SF3B6: variants seen among roughly 807,000 people sequenced by gnomAD.
SF3B6 encodes splicing factor 3b subunit 6.
Under a neutral mutation model 15.9 loss-of-function variants are expected in SF3B6, and 3 were observed. That is an observed-to-expected ratio of 0.19 (90% CI 0.09 to 0.49). The LOEUF (loss-of-function observed/expected upper bound fraction) is 0.49, where lower values mean the gene tolerates loss of function less well. Among genes scored for constraint, SF3B6 ranks in the 20% least tolerant of loss-of-function variants. SF3B6 has a pLI of 0.97. For synonymous variants in SF3B6, 49 were observed against 51.1 expected (o/e 0.96, Z 0.18); for missense variants, 71 against 154.3 (o/e 0.46, Z 2.86).
chr2:24,074,256 A>T, intron 1 of SF3B6, 62 bp from the exon 2 acceptor site: 1 of 821,056 alleles, frequency 1.2e-6, no homozygotes, highest in South Asian at 1.6e-5. Flanking sequence ...TATAATTTAA[A>T]TGCCCCTATA....
chr2:24,067,627 A>G lies in SF3B6; in HGVS notation c.*135T>C, dbSNP rs1288690084. On this transcript the variant is annotated 3_prime_UTR_variant, in exon 4 of 4. Coordinates refer to ENST00000233468, the MANE Select transcript of SF3B6 (RefSeq NM_016047.4). ...AAGTTTATTAACATAATGTATTCCA[A>G]TATGTATCAAAGTTTCAAGCAGGTC... is the stretch of plus-strand genomic sequence containing the variant. The G allele has an allele frequency of 3.0e-6, 2 of 671,344 alleles. No individual in the cohort carries two copies. The highest frequency in any genetic ancestry group is 2.7e-5 in the East Asian group (1 of 36,986). 41.6% of individuals were successfully genotyped at this position (671,344 alleles called of 1,614,324 possible). A position where few individuals can be genotyped will look rare whatever the true frequency, so the allele number is the denominator to read the frequency against.
At chr2:24,067,967 C>A in intron 3 of SF3B6, 116 bp from the exon 4 acceptor site, 1 of 846,122 alleles carries the variant, frequency 1.2e-6, no homozygotes, top group South Asian at 1.5e-5. Flanking sequence ...CAGTACAGTT[C>A]TACACTAATT....
chr2:24,070,976 T>C (rs1207188665), intron 2 of SF3B6, among the ~76,000 whole-genome samples: 1 of 152,142 alleles, frequency 6.6e-6, no homozygotes, highest in Non-Finnish European at 1.5e-5. Context: ...ATTAAATAAA[T>C]ATGAAATCAT....
intron 2 of SF3B6, among the ~76,000 whole-genome samples, chr2:24,070,116 T>C (rs1293673089): frequency 6.6e-6 from 1 of 152,206 alleles, no homozygotes; most frequent in Non-Finnish European, 1.5e-5. Context: ...AACCCCACTT[T>C]AAAGACTCTC....
chr2:24,068,575 C>T (rs72783611), intron 2 of SF3B6, 116 bp from the exon 3 acceptor site: 165,742 of 932,118 alleles, frequency 0.18, 16,151 homozygotes, highest in South Asian at 0.2. Context: ...AATTGAAATA[C>T]GTTTTTAGTT....
intron 2 of SF3B6, among the ~76,000 whole-genome samples, chr2:24,070,682 A>G (rs550618724): frequency 1.3e-5 from 2 of 152,348 alleles, no homozygotes; most frequent in Admixed American, 6.5e-5. Context: ...TTTAGCACTG[A>G]AAGTCCAGTG....
In SF3B6 at chr2:24,074,144, T is replaced by C. The variant is rs752184647; in HGVS notation, c.81A>G (p.Pro27=). Residue 27 remains proline, a synonymous_variant, in exon 2 of 4, where the codon CCA becomes CCG. Coordinates refer to ENST00000233468, the MANE Select transcript of SF3B6 (RefSeq NM_016047.4). ...ACATTTCTTCAGCTGTGATTTTGTA[T>C]GGCAAATTTCTTATATACAATATCC... ...VNRILYIRNL[P]YKITAEEMYD... 1 of 1,610,352 alleles carries C rather than the reference T, an allele frequency of 6.2e-7. No individual in the cohort carries two copies. The highest frequency in any genetic ancestry group is 1.7e-5 in the Admixed American group (1 of 59,750).
intron 2 of SF3B6, among the ~76,000 whole-genome samples, chr2:24,073,415 G>C (rs958755074): frequency 2.0e-5 from 3 of 152,036 alleles, no homozygotes; most frequent in Admixed American, 1.3e-4. Context: ...AAGATAGAAA[G>C]GTACTTTACT....
intron 1 of SF3B6, 142 bp downstream of exon 1, chr2:24,076,058 G>A (rs1291609952): frequency 3.1e-5 from 33 of 1,077,292 alleles, no homozygotes; most frequent in South Asian, 1.9e-4. Context: ...GGATGGGGCC[G>A]GATAGTGTCT....
intron 1 of SF3B6, among the ~76,000 whole-genome samples, chr2:24,075,287 G>A (rs1664716832): frequency 6.6e-6 from 1 of 151,158 alleles, no homozygotes; most frequent in Admixed American, 6.6e-5. Context: ...TATCATCAAG[G>A]TCACCAAAAG....
rs1348896730 is a variant in SF3B6 at position 24,076,189 on chromosome 2, C to A, written c.30+11G>T. 10 of 1,614,200 alleles carry A rather than the reference C, an allele frequency of 6.2e-6. No homozygotes were observed. Among genetic ancestry groups the A allele is most frequent in the Non-Finnish European group, 8.5e-6 (10 of 1,180,032 alleles). On this transcript the variant is annotated intron_variant, in intron 1 of 3. Transcript: ENST00000233468. ...AGTTCTCCCACCCTCCGCAGAACAC[C>A]CGATACTCACGTTCGCCCTCTTGGC...
At position 24,067,859 on chromosome 2, in the gene SF3B6, T is replaced by C. The variant is rs1414438326; in HGVS notation, c.289-8A>G. 6.2e-7 allele frequency: 1 copy of C among 1,612,288 alleles called. No homozygotes were observed. The highest frequency in any genetic ancestry group is 1.1e-5 in the South Asian group (1 of 90,682). ...GTCCATCTTCTGAAATGCCTGGAAA[T>C]GTGGTAAGCACCAAAATTAAATTAC... On this transcript the variant is annotated splice_region_variant and splice_polypyrimidine_tract_variant and intron_variant, in intron 3 of 3. Coordinates refer to ENST00000233468, the MANE Select transcript of SF3B6 (RefSeq NM_016047.4).
intron 1 of SF3B6, among the ~76,000 whole-genome samples, 164 bp downstream of exon 1, chr2:24,076,036 G>A (rs989158591): frequency 1.3e-5 from 2 of 152,326 alleles, no homozygotes; most frequent in Admixed American, 1.3e-4. Flanking sequence ...GGCTCAAGGA[G>A]CATATCTCTG....
intron 2 of SF3B6, among the ~76,000 whole-genome samples, chr2:24,071,071 C>T (rs1344912429): frequency 6.6e-6 from 1 of 152,102 alleles, no homozygotes; most frequent in Admixed American, 6.5e-5. Context: ...TGGCTCACTG[C>T]AACCTCCACC....
rs767687797 is a variant in SF3B6 at position 24,067,785 on chromosome 2, T to C, written c.355A>G (p.Ile119Val). The C allele has an allele frequency of 1.2e-6, 2 of 1,614,060 alleles. No homozygotes were observed. The highest frequency in any genetic ancestry group is 2.2e-5 in the South Asian group (2 of 91,074). The change falls in exon 4 of 4, where the codon ATC (isoleucine) becomes GTC (valine). Residue 119 changes from isoleucine to valine, a missense_variant. By Grantham distance (29) the Ile-to-Val change is conservative (BLOSUM62 3). This residue lies in a region of SF3B6 where 52 missense variants were observed against 113.2 expected (regional missense o/e 0.46). Coordinates refer to ENST00000233468, the MANE Select transcript of SF3B6 (RefSeq NM_016047.4). ...QLKLLKEKYG[I>V]NTDPPK ...ATTTATTTTGGTGGATCTGTGTTGA[T>C]GCCATATTTCTCCTTGAGAAGCTTC...
chr2:24,068,552 T>G, intron 2 of SF3B6, 93 bp from the exon 3 acceptor site: 1 of 1,148,290 alleles, frequency 8.7e-7, no homozygotes, highest in Non-Finnish European at 1.2e-6. Flanking sequence ...GTAACTGTCT[T>G]TTAAAAACAG....
At chr2:24,068,164 C>T (rs894686842) in intron 3 of SF3B6, among the ~76,000 whole-genome samples, 157 bp downstream of exon 3, 9 of 152,068 alleles carry the variant, frequency 5.9e-5, no homozygotes, top group Non-Finnish European at 1.3e-4. Flanking sequence ...GGGGTTTCAC[C>T]GTGTTAGCCA....
intron 2 of SF3B6, among the ~76,000 whole-genome samples, chr2:24,072,133 G>A (rs112023242): frequency 2.6e-5 from 4 of 151,750 alleles, no homozygotes; most frequent in African/African-American, 4.8e-5. Flanking sequence ...TTACAGGCGC[G>A]TGCCACCATG....
intron 3 of SF3B6, 36 bp downstream of exon 3, chr2:24,068,285 G>T (rs145359702): frequency 6.3e-7 from 1 of 1,584,806 alleles, no homozygotes; most frequent in African/African-American, 1.3e-5. Context: ...ATTCTCAAAT[G>T]AGATCACTAC....
Sources: gnomAD v4.1 joint callset for allele counts (sites outside exome capture counted in the v4.1 genomes callset) on GRCh38, gnomAD v4.1.1 for gene constraint, gnomAD v4.1.1 regional missense constraint, MANE v1.5 for transcripts, NCBI Gene and HGNC (gene_info 2026-07-23, HGNC 2026-07-21) for gene names.